Variants in LRMDA observed in about 807,000 individuals in gnomAD.
LRMDA encodes leucine rich melanocyte differentiation associated, also known as leucine-rich melanocyte differentiation-associated protein.
A neutral mutation model predicts 29.8 loss-of-function variants in LRMDA; 18 were observed. That is an observed-to-expected ratio of 0.60 (90% CI 0.42 to 0.90). The LOEUF (loss-of-function observed/expected upper bound fraction) is 0.90, where lower values mean the gene tolerates loss of function less well. Among genes scored for constraint, LRMDA ranks in the 40% least tolerant of loss-of-function variants. The probability of loss-of-function intolerance (pLI) is 0.00; values close to 1 mark genes in which losing one functional copy is unlikely to be tolerated. For missense variants in LRMDA, 273 were observed against 273.9 expected, an observed-to-expected ratio of 1.00 and a Z score of 0.02; for synonymous variants, 125 against 109.4, an observed-to-expected ratio of 1.14 and a Z score of -0.89.
chr10:75,471,677 T>A (rs1488872329), intron 2 of LRMDA, among the ~76,000 whole-genome samples: 2 of 152,256 alleles, frequency 1.3e-5, no homozygotes, highest in Non-Finnish European at 2.9e-5. Context: ...GATAATCTTT[T>A]TAAATGACTA....
chr10:75,518,411 T>A (rs1845318865), intron 2 of LRMDA, among the ~76,000 whole-genome samples: 1 of 152,242 alleles, frequency 6.6e-6, no homozygotes, highest in Non-Finnish European at 1.5e-5. Flanking sequence ...ATTCAACTTC[T>A]TCCTGGTTTA....
chr10:75,524,729 A>G (rs1215714299), intron 2 of LRMDA, among the ~76,000 whole-genome samples: 1 of 152,158 alleles, frequency 6.6e-6, no homozygotes, highest in Non-Finnish European at 1.5e-5. Flanking sequence ...TAAACAGGAA[A>G]TTGGGGAGAA....
chr10:75,634,769 A>G (rs1564527365), intron 2 of LRMDA, among the ~76,000 whole-genome samples: 1 of 152,254 alleles, frequency 6.6e-6, no homozygotes, highest in Non-Finnish European at 1.5e-5. Flanking sequence ...TATATAAAGT[A>G]GTTAAAATAT....
intron 2 of LRMDA, among the ~76,000 whole-genome samples, chr10:75,719,769 C>T (rs1355443151): frequency 1.3e-5 from 2 of 152,090 alleles, no homozygotes; most frequent in African/African-American, 4.8e-5. Context: ...GACAGCTTGT[C>T]GGTTCTATTA....
intron 5 of LRMDA, among the ~76,000 whole-genome samples, chr10:76,074,693 C>A (rs1032772606): frequency 1.3e-5 from 2 of 152,284 alleles, no homozygotes; most frequent in Middle Eastern, 3.4e-3. Context: ...ATGTCTGTAG[C>A]CCACCTGAAT....
chr10:76,151,106 G>A (rs1330761547), intron 5 of LRMDA, among the ~76,000 whole-genome samples: 3 of 152,140 alleles, frequency 2.0e-5, no homozygotes, highest in African/African-American at 2.4e-5. Flanking sequence ...AGCTTCAGAC[G>A]TAGGGCTCAA....
intron 2 of LRMDA, among the ~76,000 whole-genome samples, chr10:75,773,385 C>T (rs1353263175): frequency 6.6e-6 from 1 of 152,092 alleles, no homozygotes; most frequent in Non-Finnish European, 1.5e-5. Flanking sequence ...GAAAGCACAG[C>T]CCTTGGAGCT....
At chr10:76,061,316 G>A (rs1355724323) in intron 5 of LRMDA, among the ~76,000 whole-genome samples, 2 of 152,168 alleles carry the variant, frequency 1.3e-5, no homozygotes, top group South Asian at 4.1e-4. Flanking sequence ...GAAGCTAAAT[G>A]ATGAGAACTC....
rs146005882 is a variant in LRMDA, at chr10:76,133,296, A to G, written c.516+74513A>G. ...TGTGTGTGTGTGTGTAAATTTTCTTAAGAAAGCAGTAAGTGGTTTTTTCCT... is the reference window on the plus strand; with the variant it reads ...TGTGTGTGTGTGTGTAAATTTTCTTGAGAAAGCAGTAAGTGGTTTTTTCCT... On this transcript the variant is annotated intron_variant, in intron 5 of 6. Coordinates refer to ENST00000611255, the MANE Select transcript of LRMDA (RefSeq NM_001305581.2). Among the ~76,000 whole-genome samples, 760 of 151,992 alleles carry G rather than the reference A, an allele frequency of 5.0e-3. 2 individuals are homozygous for G. Among genetic ancestry groups the G allele is most frequent in the African/African-American group, 0.015 (610 of 41,428 alleles).
At chr10:76,089,665 A>G (rs2132089071) in intron 5 of LRMDA, among the ~76,000 whole-genome samples, 1 of 152,240 alleles carries the variant, frequency 6.6e-6, no homozygotes, top group Admixed American at 6.5e-5. Flanking sequence ...TTCCCTGACC[A>G]CTGGGCACGA....
intron 5 of LRMDA, among the ~76,000 whole-genome samples, chr10:76,094,464 A>T (rs1849282368): frequency 6.6e-6 from 1 of 152,162 alleles, no homozygotes; most frequent in Non-Finnish European, 1.5e-5. Context: ...AACACTACAT[A>T]TGGTGAAATA....
chr10:75,579,451 T>C (rs946243455), intron 2 of LRMDA, among the ~76,000 whole-genome samples: 2 of 152,076 alleles, frequency 1.3e-5, no homozygotes, highest in African/African-American at 4.8e-5. Context: ...ACCAAAAAAG[T>C]CCAGGACCCG....
chr10:76,002,398 C>A (rs1452810737), intron 2 of LRMDA, among the ~76,000 whole-genome samples: 1 of 152,172 alleles, frequency 6.6e-6, no homozygotes, highest in African/African-American at 2.4e-5. Flanking sequence ...CCCTAACATA[C>A]AGTGTGGTGG....
At chr10:75,712,266 T>C (rs1842444936) in intron 2 of LRMDA, among the ~76,000 whole-genome samples, 1 of 152,288 alleles carries the variant, frequency 6.6e-6, no homozygotes, top group East Asian at 1.9e-4. Flanking sequence ...CCTCCGTGCG[T>C]CTTTCTCTCT....
At chr10:76,510,040 T>G (rs2579754) in intron 6 of LRMDA, among the ~76,000 whole-genome samples, 57,743 of 151,956 alleles carry the variant, frequency 0.38, 11,701 homozygotes, top group Middle Eastern at 0.54. Flanking sequence ...TTGTTTTGTT[T>G]TATTTTTTGT....
intron 5 of LRMDA, among the ~76,000 whole-genome samples, chr10:76,108,879 C>T (rs1849529909): frequency 6.6e-6 from 1 of 152,190 alleles, no homozygotes; most frequent in Non-Finnish European, 1.5e-5. Flanking sequence ...TTCAAGTGCA[C>T]TGTGACTTAT....
At chr10:76,021,643 C>T (rs1184919910) in intron 2 of LRMDA, among the ~76,000 whole-genome samples, 1 of 152,204 alleles carries the variant, frequency 6.6e-6, no homozygotes, top group Non-Finnish European at 1.5e-5. Context: ...ATATTAACCT[C>T]CTACCATGAA....
intron 6 of LRMDA, among the ~76,000 whole-genome samples, chr10:76,440,778 A>G (rs189371972): frequency 6.6e-6 from 1 of 152,298 alleles, no homozygotes; most frequent in Admixed American, 6.5e-5. Flanking sequence ...CATAATGGGA[A>G]TGCACTATAG....
chr10:76,334,022 C>T (rs765584640), intron 6 of LRMDA, among the ~76,000 whole-genome samples: 1 of 152,128 alleles, frequency 6.6e-6, no homozygotes, highest in East Asian at 1.9e-4. Context: ...AATGGAAGAC[C>T]GGTGGAGTTA....
Sources: allele counts gnomAD v4.1 joint callset (sites outside exome capture counted in the v4.1 genomes callset), GRCh38; gene constraint gnomAD v4.1.1; transcripts MANE v1.5; gene names NCBI Gene and HGNC (gene_info 2026-07-23, HGNC 2026-07-21).